ANO3: variants seen among roughly 807,000 people sequenced by gnomAD.
ANO3 encodes the protein anoctamin-3.
Under a neutral mutation model 144.8 loss-of-function variants are expected in ANO3, and 99 were observed. The observed-to-expected ratio is 0.68, with a 90% confidence interval of 0.58 to 0.81. The LOEUF (loss-of-function observed/expected upper bound fraction) is 0.81, where lower values mean the gene tolerates loss of function less well. Ranked by LOEUF, ANO3 falls within the 30% of genes least tolerant of loss-of-function variation. ANO3 has a pLI of 0.00. For synonymous variants in ANO3, 414 were observed against 392.6 expected, an observed-to-expected ratio of 1.05 and a Z score of -0.64; for missense variants, 905 against 1,202.2, an observed-to-expected ratio of 0.75 and a Z score of 3.66.
At chr11:26,474,082 A>T in intron 4 of ANO3, 1 of 985,238 alleles carries the variant, frequency 1.0e-6, no homozygotes, top group Non-Finnish European at 1.2e-6. Flanking sequence ...GACTGTTGTC[A>T]GCAATGAAGG....
At chr11:26,521,923 G>A (rs377638483) in intron 6 of ANO3, among the ~76,000 whole-genome samples, 4 of 152,136 alleles carry the variant, frequency 2.6e-5, no homozygotes, top group African/African-American at 9.7e-5. Flanking sequence ...GGTGGCTCAC[G>A]CCTGTAATCC....
chr11:26,234,287 C>CA, intron 1 of ANO3, among the ~76,000 whole-genome samples: 1 of 152,212 alleles, frequency 6.6e-6, no homozygotes, highest in South Asian at 2.1e-4. Context: ...TATTCTTAAA[C>CA]TATTACAAAG....
intron 4 of ANO3, among the ~76,000 whole-genome samples, chr11:26,503,919 A>G (rs1473594627): frequency 6.6e-6 from 1 of 152,112 alleles, no homozygotes; most frequent in African/African-American, 2.4e-5. Flanking sequence ...TTTTTCCACA[A>G]ACCAGTCTCT....
At chr11:26,651,663 C>A (rs1043720664) in intron 24 of ANO3, among the ~76,000 whole-genome samples, 1 of 151,744 alleles carries the variant, frequency 6.6e-6, no homozygotes, top group Non-Finnish European at 1.5e-5. Context: ...TTCTAAATTT[C>A]TCAGCTTTAA....
At chr11:26,212,951 T>C (rs970695248) in intron 1 of ANO3, among the ~76,000 whole-genome samples, 2 of 152,094 alleles carry the variant, frequency 1.3e-5, no homozygotes, top group African/African-American at 4.8e-5. Context: ...GTCAGCTTCA[T>C]CCCTGGGATG....
rs534223416 is a variant in ANO3 at position 26,367,859 on chromosome 11, G to T, written c.46+35538G>T. 1.9e-4 allele frequency among the ~76,000 whole-genome samples: 29 copies of T among 152,276 alleles called. No homozygotes were observed. The South Asian group carries it at 5.8e-3, about 30-fold the overall frequency. On this transcript the variant is annotated intron_variant, in intron 1 of 26. Coordinates refer to ENST00000256737, the MANE Select transcript of ANO3 (RefSeq NM_031418.4). ...AGGGAGAAAGCAGGAGCAAAATAAA[G>T]TGGGGCAGGTGGAAGCACCACACTT...
At chr11:26,486,593 C>G (rs1398735328) in intron 4 of ANO3, among the ~76,000 whole-genome samples, 1 of 152,014 alleles carries the variant, frequency 6.6e-6, no homozygotes, top group Non-Finnish European at 1.5e-5. Context: ...AGCAATTATT[C>G]CTTTGGTAAC....
At chr11:26,232,633 A>G (rs779997654) in intron 1 of ANO3, among the ~76,000 whole-genome samples, 5 of 152,196 alleles carry the variant, frequency 3.3e-5, no homozygotes, top group Non-Finnish European at 4.4e-5. Context: ...AAATTAACTC[A>G]AGATGGATTA....
At chr11:26,543,322 G>A (rs1016901958) in intron 11 of ANO3, among the ~76,000 whole-genome samples, 3 of 152,006 alleles carry the variant, frequency 2.0e-5, no homozygotes, top group South Asian at 2.1e-4. Flanking sequence ...CCATCAGGAA[G>A]CCAGAAGAAA....
intron 1 of ANO3, among the ~76,000 whole-genome samples, chr11:26,258,432 G>C (rs543020624): frequency 6.6e-6 from 1 of 152,108 alleles, no homozygotes; most frequent in African/African-American, 2.4e-5. Flanking sequence ...AGCTATGAGC[G>C]AGAATACTTA....
intron 1 of ANO3, among the ~76,000 whole-genome samples, chr11:26,271,519 C>G (rs1231043879): frequency 6.6e-6 from 1 of 152,116 alleles, no homozygotes; most frequent in Non-Finnish European, 1.5e-5. Context: ...ATCTATTTAA[C>G]TGTGATGCTT....
At chr11:26,512,620 A>T (rs12273987) in intron 5 of ANO3, among the ~76,000 whole-genome samples, 1 of 152,230 alleles carries the variant, frequency 6.6e-6, no homozygotes, top group South Asian at 2.1e-4. Context: ...TATACATTTT[A>T]AGACTTACAA....
chr11:26,282,840 AAAGAAATTAT>A (rs1192779148), intron 1 of ANO3, among the ~76,000 whole-genome samples: 1 of 152,148 alleles, frequency 6.6e-6, no homozygotes, highest in Non-Finnish European at 1.5e-5. Context: ...TGACGAAATA[AAAGAAATTAT>A]ATATTTGTCA....
intron 1 of ANO3, among the ~76,000 whole-genome samples, chr11:26,426,491 G>GA (rs147479494): frequency 0.037 from 5,494 of 149,262 alleles, 336 homozygotes; most frequent in African/African-American, 0.13. Flanking sequence ...CTCAAGATTT[G>GA]AAAAAAAAAG....
chr11:26,592,531 A>G (rs1450297330), intron 14 of ANO3, among the ~76,000 whole-genome samples: 2 of 150,854 alleles, frequency 1.3e-5, no homozygotes, highest in Non-Finnish European at 2.9e-5. Context: ...CAGTGAAAGT[A>G]TCTACCCAGA....
intron 9 of ANO3, among the ~76,000 whole-genome samples, chr11:26,535,622 G>C (rs532462708): frequency 8.2e-5 from 9 of 109,394 alleles, no homozygotes; most frequent in African/African-American, 3.2e-4. Flanking sequence ...TTGCTCTGTC[G>C]CCCAGGCTGG....
intron 4 of ANO3, among the ~76,000 whole-genome samples, chr11:26,493,319 A>T (rs1860788983): frequency 6.6e-6 from 1 of 152,144 alleles, no homozygotes; most frequent in Non-Finnish European, 1.5e-5. Context: ...ATGTGTTTCC[A>T]TCCCTCTTTA....
chr11:26,614,296 C>T (rs1852186754), intron 17 of ANO3, among the ~76,000 whole-genome samples: 1 of 152,202 alleles, frequency 6.6e-6, no homozygotes, highest in Non-Finnish European at 1.5e-5. Flanking sequence ...AGCCACTTTC[C>T]TGCTGTGCAG....
At chr11:26,235,697 C>T (rs972514699) in intron 1 of ANO3, among the ~76,000 whole-genome samples, 24 of 151,466 alleles carry the variant, frequency 1.6e-4, no homozygotes, top group Admixed American at 5.9e-4. Context: ...TTATTTTTCA[C>T]CATCATTGTG....
Sources: allele counts gnomAD v4.1 joint callset (sites outside exome capture counted in the v4.1 genomes callset), GRCh38; gene constraint gnomAD v4.1.1; transcripts MANE v1.5; gene names NCBI Gene and HGNC (gene_info 2026-07-23, HGNC 2026-07-21).